The following RBMS3 variants were observed in gnomAD, a reference collection of about 807,000 sequenced individuals.
RBMS3 encodes the protein RNA binding motif single stranded interacting protein 3, also known as RNA-binding motif, single-stranded-interacting protein 3.
In RBMS3, 27 loss-of-function variants were observed where a neutral mutation model predicts 66.8. The ratio of observed to expected loss-of-function variants is 0.40; its 90% CI spans 0.30 to 0.56. The LOEUF (loss-of-function observed/expected upper bound fraction) is 0.56. RBMS3 is among the 20% of genes least tolerant of loss of function. RBMS3 has a pLI of 0.40. For missense variants in RBMS3, 513 were observed against 549.5 expected (o/e 0.93, Z 0.66); for synonymous variants, 188 against 183.0 (o/e 1.03, Z -0.22).
intron 4 of RBMS3, among the ~76,000 whole-genome samples, chr3:29,736,390 T>A (rs1213441856): frequency 1.3e-5 from 2 of 152,218 alleles, no homozygotes; most frequent in African/African-American, 4.8e-5. Context: ...TCTGCGTATT[T>A]ATGGTACACC....
At chr3:29,361,417 A>G (rs11716645) in intron 1 of RBMS3, among the ~76,000 whole-genome samples, 4,544 of 152,262 alleles carry the variant, frequency 0.03, 131 homozygotes, top group East Asian at 0.067. Context: ...TGAGAGATCC[A>G]TTGTTAGTCT....
Position 29,720,130 on chromosome 3 carries a change from A to T in RBMS3, c.400-19590A>T, listed in dbSNP as rs372572761. ...CGCTAGCTCCCTCTGTTGCACCCAC[A>T]TTGGCCCTTTTTATTTACCCAGGAT... On this transcript the variant is annotated intron_variant, in intron 4 of 14. Transcript: ENST00000383767. Among the ~76,000 whole-genome samples, 208 of 152,188 alleles carry T rather than the reference A, an allele frequency of 1.4e-3. 1 individual carries two copies. The highest frequency in any genetic ancestry group is 4.5e-3 in the African/African-American group (189 of 41,540).
At chr3:29,711,406 A>G (rs1467091911) in intron 4 of RBMS3, among the ~76,000 whole-genome samples, 3 of 152,132 alleles carry the variant, frequency 2.0e-5, no homozygotes, top group African/African-American at 7.2e-5. Context: ...CAAATTTGGG[A>G]AGAGAGTTTC....
At chr3:29,782,407 G>T (rs1322365764) in intron 6 of RBMS3, among the ~76,000 whole-genome samples, 1 of 152,164 alleles carries the variant, frequency 6.6e-6, no homozygotes, top group East Asian at 1.9e-4. Context: ...AGCTCCGCTG[G>T]GTGGCTAGAT....
intron 1 of RBMS3, among the ~76,000 whole-genome samples, chr3:29,370,082 C>T (rs2038120611): frequency 6.6e-6 from 1 of 152,190 alleles, no homozygotes; most frequent in Non-Finnish European, 1.5e-5. Flanking sequence ...ACAGCCCGGC[C>T]TCATGACAGG....
At chr3:29,590,978 C>A (rs894715374) in intron 4 of RBMS3, among the ~76,000 whole-genome samples, 4 of 152,118 alleles carry the variant, frequency 2.6e-5, no homozygotes, top group Admixed American at 6.6e-5. Flanking sequence ...AGCAGTATGG[C>A]TGATTTTGTC....
Position 29,997,630 on chromosome 3 carries a change from A to G in RBMS3, c.1308-6226A>G, listed in dbSNP as rs1225137713. On this transcript the variant is annotated intron_variant, in intron 14 of 14. Coordinates refer to ENST00000383767, the MANE Select transcript of RBMS3 (RefSeq NM_001003793.3). The stretch of plus-strand genomic sequence containing the variant: ...TGGTTCAATATACGCAAATCAATAA[A>G]TGTAATCCAGCATATAAACAGAGCC... Among the ~76,000 whole-genome samples, 3 of 151,742 alleles carry G rather than the reference A, an allele frequency of 2.0e-5. No individual in the cohort carries two copies. In the East Asian group the frequency reaches 5.8e-4, roughly 29 times the overall value.
At chr3:29,416,422 T>G (rs1203156319) in intron 1 of RBMS3, among the ~76,000 whole-genome samples, 2 of 152,154 alleles carry the variant, frequency 1.3e-5, no homozygotes, top group African/African-American at 4.8e-5. Context: ...AAGATCCACA[T>G]TCTTTCCTTA....
chr3:29,518,619 A>G (rs1250717974), intron 3 of RBMS3, among the ~76,000 whole-genome samples: 1 of 152,244 alleles, frequency 6.6e-6, no homozygotes, highest in Non-Finnish European at 1.5e-5. Context: ...GGACATGTCT[A>G]AAGTTTAAGT....
intron 6 of RBMS3, among the ~76,000 whole-genome samples, chr3:29,853,381 G>T (rs2058985366): frequency 1.4e-5 from 2 of 140,090 alleles, no homozygotes; most frequent in African/African-American, 2.7e-5. Flanking sequence ...CTGCTTTTTA[G>T]AAATTAAAAT....
chr3:29,497,810 T>G (rs747562544), intron 3 of RBMS3, among the ~76,000 whole-genome samples: 1 of 151,986 alleles, frequency 6.6e-6, no homozygotes, highest in Non-Finnish European at 1.5e-5. Flanking sequence ...GAGTAGTCAC[T>G]TAGATCCCAG....
chr3:29,794,612 C>A (rs1559678845), intron 6 of RBMS3, among the ~76,000 whole-genome samples: 1 of 151,974 alleles, frequency 6.6e-6, no homozygotes, highest in African/African-American at 2.4e-5. Context: ...ACAACAACAA[C>A]AAAAACACAT....
intron 1 of RBMS3, among the ~76,000 whole-genome samples, chr3:29,411,667 T>C (rs1266157084): frequency 6.6e-5 from 10 of 152,236 alleles, no homozygotes; most frequent in Admixed American, 6.5e-4. Context: ...ATTACACCCT[T>C]GTCCATAGCA....
intron 2 of RBMS3, among the ~76,000 whole-genome samples, chr3:29,487,978 T>C (rs953605326): frequency 1.3e-5 from 2 of 152,204 alleles, no homozygotes; most frequent in Non-Finnish European, 2.9e-5. Context: ...TAAATGTTGA[T>C]TGAACTAGGA....
At chr3:29,399,336 A>C (rs2039700316) in intron 1 of RBMS3, among the ~76,000 whole-genome samples, 2 of 152,178 alleles carry the variant, frequency 1.3e-5, no homozygotes, top group Admixed American at 1.3e-4. Context: ...GGTGGATTTC[A>C]AAACTCCATT....
intron 4 of RBMS3, among the ~76,000 whole-genome samples, chr3:29,665,225 T>A (rs2050705420): frequency 6.6e-6 from 1 of 152,224 alleles, no homozygotes; most frequent in Admixed American, 6.5e-5. Flanking sequence ...TCTTCCTTAC[T>A]AATTTTACTG....
chr3:29,326,408 C>T (rs1037605126), intron 1 of RBMS3, among the ~76,000 whole-genome samples: 3 of 152,188 alleles, frequency 2.0e-5, no homozygotes, highest in Non-Finnish European at 2.9e-5. Context: ...TTGCAAGCCT[C>T]TTATTACCAT....
chr3:29,884,925 G>T (rs1269916007), intron 8 of RBMS3, among the ~76,000 whole-genome samples: 2 of 151,800 alleles, frequency 1.3e-5, no homozygotes, highest in Non-Finnish European at 2.9e-5. Context: ...ATTCTCCAAG[G>T]CTTTCAGTTG....
At position 30,009,748 on chromosome 3, in the gene RBMS3, G is replaced by T. The variant is rs1222649650; in HGVS notation, c.*5886G>T. ...GCCGAATGACTTTGACACCCCCGTG[G>T]ATTATTTTTATGATCACATCAAATT... On this transcript the variant is annotated 3_prime_UTR_variant, in exon 15 of 15. Coordinates refer to ENST00000383767, the MANE Select transcript of RBMS3 (RefSeq NM_001003793.3). The T allele has an allele frequency of 1.3e-5, 2 of 152,082 alleles. No individual in the cohort carries two copies. The highest frequency in any genetic ancestry group is 4.8e-5 in the African/African-American group (2 of 41,422). The allele number at this position is 152,082 out of a possible 1,614,324, so 9.4% of individuals were successfully genotyped here. A position where few individuals can be genotyped will look rare whatever the true frequency, so the allele number is the denominator to read the frequency against.
Sources: gnomAD v4.1 joint callset for allele counts (sites outside exome capture counted in the v4.1 genomes callset) on GRCh38, gnomAD v4.1.1 for gene constraint, MANE v1.5 for transcripts, NCBI Gene and HGNC (gene_info 2026-07-23, HGNC 2026-07-21) for gene names.